PRKCE: variants seen among roughly 807,000 people sequenced by gnomAD.
PRKCE encodes protein kinase C epsilon.
In PRKCE, 16 loss-of-function variants were observed where a neutral mutation model predicts 85.4. That is an observed-to-expected ratio of 0.19 (90% confidence interval 0.13 to 0.28). The LOEUF (loss-of-function observed/expected upper bound fraction) is 0.28, where lower values mean the gene tolerates loss of function less well. Among genes scored for constraint, PRKCE ranks in the 10% least tolerant of loss-of-function variants. The pLI, the probability that PRKCE is intolerant of heterozygous loss-of-function variation, is 1.00. For missense variants in PRKCE, 573 were observed against 975.2 expected (o/e 0.59, Z 5.49); for synonymous variants, 388 against 371.5 (o/e 1.04, Z -0.51).
At chr2:45,701,437 A>G (rs1335848369) in intron 1 of PRKCE, 1 of 152,168 alleles carries the variant, frequency 6.6e-6, no homozygotes, top group Non-Finnish European at 1.5e-5. Context: ...CCCATCAGTT[A>G]CCCTATGATG....
At chr2:45,719,217 TC>T (rs1680407222) in intron 1 of PRKCE, among the ~76,000 whole-genome samples, 1 of 152,230 alleles carries the variant, frequency 6.6e-6, no homozygotes, top group African/African-American at 2.4e-5. Context: ...TCCTGGCTAC[TC>T]CCCAGCCCTA....
At chr2:45,847,650 C>A (rs1025106825) in intron 2 of PRKCE, among the ~76,000 whole-genome samples, 1 of 152,180 alleles carries the variant, frequency 6.6e-6, no homozygotes, top group African/African-American at 2.4e-5. Context: ...CTGCTGGGTC[C>A]AGACCCCAGG....
intron 6 of PRKCE, among the ~76,000 whole-genome samples, chr2:45,999,348 A>G (rs1704478511): frequency 6.6e-6 from 1 of 152,170 alleles, no homozygotes; most frequent in Non-Finnish European, 1.5e-5. Flanking sequence ...ATAATATTGC[A>G]GGGTAGAGAA....
At chr2:45,659,442 T>G (rs1675532843) in intron 1 of PRKCE, among the ~76,000 whole-genome samples, 1 of 152,224 alleles carries the variant, frequency 6.6e-6, no homozygotes, top group African/African-American at 2.4e-5. Context: ...ACCTGGATTA[T>G]TTCAACAGCC....
rs145728299 is a variant in PRKCE, at chr2:45,773,861, C to T, written c.349-69139C>T. ...GTATACCCTGGGGCTCCTGTACCTA[C>T]GGCTGCCAGGCCTTGGGTAAGGTGC... On this transcript the variant is annotated intron_variant, in intron 1 of 14. Coordinates refer to ENST00000306156, the MANE Select transcript of PRKCE (RefSeq NM_005400.3). Among the ~76,000 whole-genome samples the T allele has an allele frequency of 1.7e-3, 262 of 152,290 alleles. 1 individual carries two copies. Among genetic ancestry groups the T allele is most frequent in the Middle Eastern group, 0.014 (4 of 294 alleles).
At chr2:45,803,102 T>A (rs3923011) in intron 1 of PRKCE, among the ~76,000 whole-genome samples, 40,562 of 152,106 alleles carry the variant, frequency 0.27, 5,702 homozygotes, top group South Asian at 0.36. Context: ...TCCAAAGCAA[T>A]CTTAAAGAGA....
At chr2:45,677,362 T>G (rs1159524706) in intron 1 of PRKCE, among the ~76,000 whole-genome samples, 1 of 149,946 alleles carries the variant, frequency 6.7e-6, no homozygotes, top group Non-Finnish European at 1.5e-5. Flanking sequence ...GTTTTTTTTT[T>G]TTTTTGAGAC....
At chr2:45,836,374 C>T (rs546130642) in intron 1 of PRKCE, among the ~76,000 whole-genome samples, 1 of 152,340 alleles carries the variant, frequency 6.6e-6, no homozygotes, top group African/African-American at 2.4e-5. Context: ...CCAGTCACTG[C>T]ACACTACCAA....
intron 1 of PRKCE, among the ~76,000 whole-genome samples, chr2:45,839,125 TAAA>T (rs35178972): frequency 0.023 from 3,542 of 150,940 alleles, 46 homozygotes; most frequent in African/African-American, 0.041. Flanking sequence ...GGTGCTTAGT[TAAA>T]AAAAAAATTT....
intron 1 of PRKCE, among the ~76,000 whole-genome samples, chr2:45,692,194 C>G (rs1015825612): frequency 1.3e-5 from 2 of 152,290 alleles, no homozygotes; most frequent in Middle Eastern, 6.8e-3. Context: ...TTTCCCAGGA[C>G]TGCCATAACA....
intron 1 of PRKCE, among the ~76,000 whole-genome samples, chr2:45,738,896 C>T (rs527832464): frequency 6.6e-6 from 1 of 152,338 alleles, no homozygotes; most frequent in African/African-American, 2.4e-5. Context: ...TCGTGATCTT[C>T]ACCACACTTC....
chr2:45,984,504 G>C lies in PRKCE; in HGVS notation c.694-47G>C, dbSNP rs376356355. 4 of 1,584,294 alleles carry C rather than the reference G, an allele frequency of 2.5e-6. No homozygotes were observed. The African/African-American group carries it at 5.4e-5, about 21-fold the overall frequency. Reference sequence around the variant, plus strand: ...AGAGTTCCGTTGACAAGTCTTCTGGGGAACTGAGGAGCTCGGTGGTGAACC... The same window carrying C: ...AGAGTTCCGTTGACAAGTCTTCTGGCGAACTGAGGAGCTCGGTGGTGAACC... On this transcript the variant is annotated intron_variant, in intron 5 of 14. Transcript: ENST00000306156.
chr2:45,798,905 C>T lies in PRKCE; in HGVS notation c.349-44095C>T, dbSNP rs955114968. Among the ~76,000 whole-genome samples the T allele has an allele frequency of 6.6e-5, 10 of 152,088 alleles. 1 individual carries two copies. The South Asian group carries it at 1.2e-3, about 19-fold the overall frequency. On this transcript the variant is annotated intron_variant, in intron 1 of 14. Transcript: ENST00000306156. ...AGCATTGGCCGGGCACGGTGGCTCA[C>T]GCCTATAATCCCAGCACTTTGGGAG...
intron 1 of PRKCE, among the ~76,000 whole-genome samples, chr2:45,734,888 T>A (rs546533411): frequency 6.6e-6 from 1 of 152,346 alleles, no homozygotes. Context: ...TTCCCCAAAA[T>A]GAGACAGTTC....
At chr2:46,015,690 C>CA (rs1706072268) in intron 10 of PRKCE, among the ~76,000 whole-genome samples, 1 of 80,576 alleles carries the variant, frequency 1.2e-5, no homozygotes, top group African/African-American at 5.5e-5. Context: ...AAACACTAAA[C>CA]CAAAAAAAAA....
intron 1 of PRKCE, among the ~76,000 whole-genome samples, chr2:45,730,509 G>A (rs1227073438): frequency 2.7e-5 from 4 of 147,636 alleles, no homozygotes; most frequent in South Asian, 2.1e-4. Context: ...GCCCAGGCTC[G>A]AGTACAGTGG....
chr2:45,852,654 A>G lies in PRKCE; in HGVS notation c.412+9591A>G, dbSNP rs1299007767. On this transcript the variant is annotated intron_variant, in intron 2 of 14. Coordinates refer to ENST00000306156, the MANE Select transcript of PRKCE (RefSeq NM_005400.3). The stretch of plus-strand genomic sequence containing the variant: ...GATACTCAGGGCTTCTTCTAGCTCT[A>G]TAGTTCTGAGTCAAAACCAAGAGAG... Among the ~76,000 whole-genome samples, 4 of 152,312 alleles carry G rather than the reference A, an allele frequency of 2.6e-5. No individual in the cohort carries two copies. In the East Asian group the frequency reaches 5.8e-4, roughly 22 times the overall value.
intron 2 of PRKCE, among the ~76,000 whole-genome samples, chr2:45,951,338 C>A (rs1700605356): frequency 6.6e-6 from 1 of 152,238 alleles, no homozygotes; most frequent in Non-Finnish European, 1.5e-5. Flanking sequence ...TTCATACAGA[C>A]TGTCGAGGAA....
chr2:45,894,044 A>G lies in PRKCE; in HGVS notation c.412+50981A>G, dbSNP rs575592274. Among the ~76,000 whole-genome samples, 21 of 152,334 alleles carry G rather than the reference A, an allele frequency of 1.4e-4. No homozygotes were observed. In the East Asian group the frequency reaches 3.1e-3, roughly 22 times the overall value. ...GAGGTAATGTGTAATGCCCCTGGGC[A>G]TAGGAGGCACCCAAACACTGTCCTG... On this transcript the variant is annotated intron_variant, in intron 2 of 14. Coordinates refer to ENST00000306156, the MANE Select transcript of PRKCE (RefSeq NM_005400.3).
Sources: allele counts gnomAD v4.1 joint callset (sites outside exome capture counted in the v4.1 genomes callset), GRCh38; gene constraint gnomAD v4.1.1; transcripts MANE v1.5; gene names NCBI Gene and HGNC (gene_info 2026-07-23, HGNC 2026-07-21).